Variants in MRPS27 observed in about 807,000 individuals in gnomAD.
MRPS27 encodes the protein mitochondrial ribosomal protein S27.
MRPS27 carries 43 observed loss-of-function variants against 48.9 expected under a neutral mutation model. The ratio of observed to expected loss-of-function variants is 0.88; its 90% CI spans 0.69 to 1.13. The LOEUF is 1.13. Among genes scored for constraint, MRPS27 ranks in the 50% most tolerant of loss-of-function variants. The pLI is 0.00. For missense variants in MRPS27, 467 were observed against 476.3 expected, an observed-to-expected ratio of 0.98 and a Z score of 0.18; for synonymous variants, 188 against 171.9, an observed-to-expected ratio of 1.09 and a Z score of -0.73.
chr5:72,262,691 G>T (rs1331466394), intron 4 of MRPS27, among the ~76,000 whole-genome samples: 1 of 152,132 alleles, frequency 6.6e-6, no homozygotes, highest in African/African-American at 2.4e-5. Context: ...CCATCTTGTA[G>T]ACTGACAGGA....
At chr5:72,225,779 A>T (rs1580051279) in intron 9 of MRPS27, among the ~76,000 whole-genome samples, 3 of 146,032 alleles carry the variant, frequency 2.1e-5, no homozygotes, top group African/African-American at 7.5e-5. Context: ...TCCCACTGAG[A>T]TTTTTTTTTT....
intron 4 of MRPS27, among the ~76,000 whole-genome samples, chr5:72,287,810 G>T (rs1041680484): frequency 6.6e-6 from 1 of 152,204 alleles, no homozygotes; most frequent in Non-Finnish European, 1.5e-5. Flanking sequence ...CTGCTGTTGG[G>T]ACTATAAATG....
chr5:72,241,461 C>A (rs1176257005), intron 4 of MRPS27: 1 of 576,902 alleles, frequency 1.7e-6, no homozygotes, highest in Non-Finnish European at 3.1e-6. Flanking sequence ...GATAAACTTA[C>A]GTGAGTGGCT....
At chr5:72,268,284 C>A (rs1251596242) in intron 4 of MRPS27, among the ~76,000 whole-genome samples, 1 of 152,188 alleles carries the variant, frequency 6.6e-6, no homozygotes, top group Non-Finnish European at 1.5e-5. Flanking sequence ...ATCTTTCTTA[C>A]AATCTTCTAA....
At chr5:72,270,688 C>T (rs1218168046) in intron 4 of MRPS27, among the ~76,000 whole-genome samples, 1 of 152,142 alleles carries the variant, frequency 6.6e-6, no homozygotes, top group Non-Finnish European at 1.5e-5. Context: ...GCCAAAACTA[C>T]ACAAGGCAAC....
At chr5:72,249,487 C>A (rs764419921) in intron 4 of MRPS27, among the ~76,000 whole-genome samples, 1 of 151,270 alleles carries the variant, frequency 6.6e-6, no homozygotes, top group Non-Finnish European at 1.5e-5. Context: ...AGTTCAAGAC[C>A]AGCCTGGCCA....
chr5:72,297,748 T>A (rs1435944485), intron 2 of MRPS27, 46 bp from the exon 3 acceptor site: 1 of 1,285,846 alleles, frequency 7.8e-7, no homozygotes, highest in South Asian at 1.5e-5. Context: ...AGATACATAT[T>A]TTTTTACAAT....
At chr5:72,251,023 T>C (rs2111982959) in intron 4 of MRPS27, among the ~76,000 whole-genome samples, 1 of 152,290 alleles carries the variant, frequency 6.6e-6, no homozygotes, top group East Asian at 1.9e-4. Context: ...ACATGTAAAA[T>C]TAAAATGCCT....
At chr5:72,288,659 G>C (rs989228109) in intron 4 of MRPS27, among the ~76,000 whole-genome samples, 3 of 152,086 alleles carry the variant, frequency 2.0e-5, no homozygotes, top group African/African-American at 7.2e-5. Context: ...CAGCAAATAA[G>C]AACTAAATAA....
At chr5:72,295,922 A>G (rs1225341861) in intron 3 of MRPS27, among the ~76,000 whole-genome samples, 1 of 152,188 alleles carries the variant, frequency 6.6e-6, no homozygotes, top group Non-Finnish European at 1.5e-5. Context: ...CTTTATCTTT[A>G]AACCCTGATA....
intron 4 of MRPS27, among the ~76,000 whole-genome samples, chr5:72,269,367 G>T (rs1458531325): frequency 6.6e-6 from 1 of 152,198 alleles, no homozygotes; most frequent in Non-Finnish European, 1.5e-5. Flanking sequence ...AGAAAGGGAG[G>T]AGGAAATGTA....
intron 4 of MRPS27, among the ~76,000 whole-genome samples, chr5:72,284,396 C>T (rs1749613608): frequency 6.6e-6 from 1 of 150,492 alleles, no homozygotes; most frequent in South Asian, 2.1e-4. Context: ...TGCATGCCAG[C>T]CTGGGCAACA....
chr5:72,310,136 T>C (rs536908241), intron 2 of MRPS27, among the ~76,000 whole-genome samples: 2 of 152,338 alleles, frequency 1.3e-5, no homozygotes, highest in South Asian at 2.1e-4. Flanking sequence ...ATATATATAG[T>C]ATATGTATAT....
intron 4 of MRPS27, among the ~76,000 whole-genome samples, chr5:72,239,764 C>T (rs1748301814): frequency 6.6e-6 from 1 of 152,158 alleles, no homozygotes; most frequent in East Asian, 1.9e-4. Context: ...TAACCTCAAA[C>T]TAACTCCTAG....
At position 72,247,202 on chromosome 5, in the gene MRPS27, T is replaced by C. The variant is rs116102757; in HGVS notation, c.282-9074A>G. Among the ~76,000 whole-genome samples, 632 of 152,308 alleles carry C rather than the reference T, an allele frequency of 4.1e-3. 1 individual carries two copies. The highest frequency in any genetic ancestry group is 0.015 in the African/African-American group (612 of 41,566). ...CTTGTATTACAATCAAGCAAAGTGA[T>C]TTCATTATACTGTTTATAAAAACAC... On this transcript the variant is annotated intron_variant, in intron 4 of 10. Transcript: ENST00000261413.
Position 72,235,675 on chromosome 5 carries a change from C to G in MRPS27, c.397-1478G>C, listed in dbSNP as rs73761741. On this transcript the variant is annotated intron_variant, in intron 5 of 10. Transcript: ENST00000261413. The stretch of plus-strand genomic sequence containing the variant: ...TGAAGGAAACAAAAATATTTCTCCC[C>G]AAAATAATTGAGGATGTTAAGTTAA... Among the ~76,000 whole-genome samples the G allele has an allele frequency of 8.6e-3, 1,315 of 152,182 alleles. 27 individuals carry two copies. The highest frequency in any genetic ancestry group is 0.029 in the African/African-American group (1,195 of 41,514).
chr5:72,293,488 C>T (rs1027017897), intron 4 of MRPS27, among the ~76,000 whole-genome samples: 4 of 152,030 alleles, frequency 2.6e-5, no homozygotes, highest in South Asian at 2.1e-4. Flanking sequence ...GGAAATAGGA[C>T]GTAGTGATCT....
intron 4 of MRPS27, among the ~76,000 whole-genome samples, chr5:72,245,945 C>G (rs191669463): frequency 1.6e-3 from 242 of 152,284 alleles, no homozygotes; most frequent in Non-Finnish European, 2.4e-3. Flanking sequence ...CCTAGGCATT[C>G]TTTGTTTGTA....
intron 4 of MRPS27, among the ~76,000 whole-genome samples, chr5:72,282,462 G>A (rs1343658141): frequency 6.6e-6 from 1 of 151,984 alleles, no homozygotes; most frequent in East Asian, 1.9e-4. Context: ...TTGCCCTGTA[G>A]CTATAATTCC....
Sources: gnomAD v4.1 joint callset for allele counts (sites outside exome capture counted in the v4.1 genomes callset) on GRCh38, gnomAD v4.1.1 for gene constraint, MANE v1.5 for transcripts, NCBI Gene and HGNC (gene_info 2026-07-23, HGNC 2026-07-21) for gene names.